LHFPL2: variants seen among roughly 807,000 people sequenced by gnomAD.
LHFPL2 encodes LHFPL tetraspan subfamily member 2.
In LHFPL2, 7 loss-of-function variants were observed where a neutral mutation model predicts 17.5. That is an observed-to-expected ratio of 0.40 (90% confidence interval 0.23 to 0.75). The LOEUF is 0.75. Among genes scored for constraint, LHFPL2 ranks in the 30% least tolerant of loss-of-function variants. The probability of loss-of-function intolerance (pLI) is 0.37; values close to 1 mark genes in which losing one functional copy is unlikely to be tolerated. For missense variants in LHFPL2, 241 were observed against 294.8 expected, an observed-to-expected ratio of 0.82 and a Z score of 1.34; for synonymous variants, 134 against 116.2, an observed-to-expected ratio of 1.15 and a Z score of -0.99.
intron 2 of LHFPL2, among the ~76,000 whole-genome samples, chr5:78,572,044 G>A (rs967914678): frequency 6.6e-6 from 1 of 152,176 alleles, no homozygotes; most frequent in Non-Finnish European, 1.5e-5. Flanking sequence ...CCAAATGCTG[G>A]GGGGAAAGGA....
intron 3 of LHFPL2, among the ~76,000 whole-genome samples, chr5:78,546,963 C>G (rs914210760): frequency 2.0e-5 from 3 of 150,240 alleles, no homozygotes; most frequent in Non-Finnish European, 4.4e-5. Flanking sequence ...CAGAATCTGA[C>G]AAACAACCCC....
chr5:78,549,732 A>G (rs1034491790), intron 3 of LHFPL2, among the ~76,000 whole-genome samples: 7 of 152,378 alleles, frequency 4.6e-5, no homozygotes, highest in Admixed American at 4.6e-4. Context: ...TTTTTAGAAC[A>G]GTTCCAGTTG....
intron 2 of LHFPL2, among the ~76,000 whole-genome samples, chr5:78,565,962 A>C (rs1756849083): frequency 6.6e-6 from 1 of 152,252 alleles, no homozygotes; most frequent in African/African-American, 2.4e-5. Flanking sequence ...AAAAATGATT[A>C]GGCTTATGTT....
At chr5:78,530,589 G>T (rs1376324000) in intron 3 of LHFPL2, among the ~76,000 whole-genome samples, 1 of 152,184 alleles carries the variant, frequency 6.6e-6, no homozygotes, top group Admixed American at 6.5e-5. Flanking sequence ...GTGAGTCAGT[G>T]GTTCTTCCCA....
At chr5:78,618,465 G>C (rs555032418) in intron 2 of LHFPL2, among the ~76,000 whole-genome samples, 35 of 152,286 alleles carry the variant, frequency 2.3e-4, no homozygotes, top group African/African-American at 8.4e-4. Flanking sequence ...CTAGAGGCTT[G>C]GTTTGCATGT....
At chr5:78,596,330 A>C (rs927280028) in intron 2 of LHFPL2, among the ~76,000 whole-genome samples, 2 of 152,224 alleles carry the variant, frequency 1.3e-5, no homozygotes, top group African/African-American at 4.8e-5. Context: ...ACATCATCCT[A>C]CAGAAGGTAA....
intron 4 of LHFPL2, among the ~76,000 whole-genome samples, chr5:78,505,592 C>A (rs1754908620): frequency 6.6e-6 from 1 of 152,162 alleles, no homozygotes. Flanking sequence ...ACCCTGAGCT[C>A]CAACACAGGC....
At chr5:78,491,767 A>G (rs1374475111) in intron 4 of LHFPL2, among the ~76,000 whole-genome samples, 1 of 152,224 alleles carries the variant, frequency 6.6e-6, no homozygotes, top group African/African-American at 2.4e-5. Context: ...CCATCGTAAC[A>G]AAAACTGGAA....
At chr5:78,592,851 A>G (rs1743691306) in intron 2 of LHFPL2, among the ~76,000 whole-genome samples, 1 of 152,206 alleles carries the variant, frequency 6.6e-6, no homozygotes, top group Admixed American at 6.5e-5. Context: ...TCTGAATTTT[A>G]AAAATTATTC....
chr5:78,511,725 C>T (rs1286740705), intron 3 of LHFPL2, among the ~76,000 whole-genome samples: 1 of 152,174 alleles, frequency 6.6e-6, no homozygotes. Flanking sequence ...GGCTGACTTC[C>T]TAGTGAGCAT....
chr5:78,538,278 C>T (rs1047506391), intron 3 of LHFPL2, among the ~76,000 whole-genome samples: 10 of 152,364 alleles, frequency 6.6e-5, no homozygotes, highest in African/African-American at 1.9e-4. Flanking sequence ...TCAATTTCTA[C>T]TCCTACTTCT....
intron 3 of LHFPL2, among the ~76,000 whole-genome samples, chr5:78,522,540 G>A (rs1755489062): frequency 6.6e-6 from 1 of 152,162 alleles, no homozygotes. Flanking sequence ...TTATCACTGT[G>A]ATTACTAACA....
intron 2 of LHFPL2, among the ~76,000 whole-genome samples, chr5:78,610,250 G>C (rs1744372028): frequency 6.6e-6 from 1 of 152,204 alleles, no homozygotes; most frequent in African/African-American, 2.4e-5. Flanking sequence ...CAGGAATGCA[G>C]GGTCCTCATT....
chr5:78,617,247 C>T (rs1176336860), intron 2 of LHFPL2, among the ~76,000 whole-genome samples: 1 of 152,056 alleles, frequency 6.6e-6, no homozygotes, highest in Non-Finnish European at 1.5e-5. Context: ...CCAGGCTGGT[C>T]TCAAACTCCT....
chr5:78,569,513 T>A (rs999912174), intron 2 of LHFPL2, among the ~76,000 whole-genome samples: 2 of 152,184 alleles, frequency 1.3e-5, no homozygotes, highest in Admixed American at 1.3e-4. Flanking sequence ...ATGCATTCTC[T>A]GACAACAGGT....
chr5:78,563,721 T>C (rs994223232), intron 3 of LHFPL2, among the ~76,000 whole-genome samples: 69 of 151,454 alleles, frequency 4.6e-4, no homozygotes, highest in Non-Finnish European at 1.0e-4. Flanking sequence ...AAAAAAAGAT[T>C]ATCAGTTTGA....
intron 3 of LHFPL2, among the ~76,000 whole-genome samples, chr5:78,546,612 T>G (rs1376448724): frequency 6.6e-6 from 1 of 152,244 alleles, no homozygotes; most frequent in African/African-American, 2.4e-5. Context: ...CTCCAGGACT[T>G]GCTGGTGCTT....
At chr5:78,531,138 G>A (rs1057381854) in intron 3 of LHFPL2, among the ~76,000 whole-genome samples, 9 of 152,132 alleles carry the variant, frequency 5.9e-5, no homozygotes, top group Admixed American at 1.3e-4. Flanking sequence ...ACAATGAGCC[G>A]GGCATGGTGG....
intron 1 of LHFPL2, among the ~76,000 whole-genome samples, chr5:78,645,742 C>T (rs868830199): frequency 6.6e-6 from 1 of 152,046 alleles, no homozygotes; most frequent in Non-Finnish European, 1.5e-5. Context: ...GCCACCACAC[C>T]CGGCTAATTT....
Sources: allele counts gnomAD v4.1 joint callset (sites outside exome capture counted in the v4.1 genomes callset), GRCh38; gene constraint gnomAD v4.1.1; transcripts MANE v1.5; gene names NCBI Gene and HGNC (gene_info 2026-07-23, HGNC 2026-07-21).